The following TNRC6B variants were observed in gnomAD, a reference collection of about 807,000 sequenced individuals.
TNRC6B encodes the protein trinucleotide repeat-containing gene 6B protein.
A neutral mutation model predicts 203.6 loss-of-function variants in TNRC6B; 52 were observed. That is an observed-to-expected ratio of 0.26 (90% CI 0.20 to 0.32). The LOEUF is 0.32. TNRC6B is among the 10% of genes least tolerant of loss of function. TNRC6B has a pLI of 1.00. For missense variants in TNRC6B, 1,923 were observed against 2,286.2 expected, an observed-to-expected ratio of 0.84 and a Z score of 3.24; for synonymous variants, 838 against 845.7, an observed-to-expected ratio of 0.99 and a Z score of 0.16.
intron 12 of TNRC6B, 136 bp downstream of exon 12, chr22:40,285,906 C>G: frequency 8.3e-7 from 1 of 1,198,150 alleles, no homozygotes. Context: ...TTTTCTTGAC[C>G]TTTTGGCTAA....
intron 1 of TNRC6B, among the ~76,000 whole-genome samples, chr22:40,186,433 A>G (rs1469384669): frequency 6.6e-6 from 1 of 152,024 alleles, no homozygotes; most frequent in Non-Finnish European, 1.5e-5. Flanking sequence ...TAAATTTTCC[A>G]GGAGTCACAT....
At chr22:40,318,365 G>C (rs1193109357) in intron 21 of TNRC6B, among the ~76,000 whole-genome samples, 1 of 152,044 alleles carries the variant, frequency 6.6e-6, no homozygotes, top group Non-Finnish European at 1.5e-5. Context: ...GGCTAACATG[G>C]TGAAACCCCA....
chr22:40,284,858 C>T lies in TNRC6B; in HGVS notation c.3583-787C>T, dbSNP rs182071464. Among the ~76,000 whole-genome samples, 402 of 152,224 alleles carry T rather than the reference C, an allele frequency of 2.6e-3. 4 individuals carry two copies. The highest frequency in any genetic ancestry group is 7.3e-3 in the Admixed American group (112 of 15,290). ...GCATTATTATCAAATATGGTTTCTT[C>T]GCTGAAGGACTTTTCTCAGCTAGAA... On this transcript the variant is annotated intron_variant, in intron 11 of 22. Coordinates refer to ENST00000454349, the MANE Select transcript of TNRC6B (RefSeq NM_001162501.2).
At chr22:40,293,190 C>CTCT (rs1555897711) in intron 12 of TNRC6B, among the ~76,000 whole-genome samples, 1 of 79,454 alleles carries the variant, frequency 1.3e-5, no homozygotes, top group Non-Finnish European at 2.3e-5. Flanking sequence ...ATATCCTTTT[C>CTCT]TTTTTTTTTT....
chr22:40,287,978 C>A (rs1005155909), intron 12 of TNRC6B, among the ~76,000 whole-genome samples: 2 of 152,200 alleles, frequency 1.3e-5, no homozygotes, highest in African/African-American at 4.8e-5. Flanking sequence ...ATTAAAAGTG[C>A]CTTCTAAGCA....
intron 3 of TNRC6B, among the ~76,000 whole-genome samples, chr22:40,260,885 A>C (rs1282612952): frequency 1.3e-5 from 2 of 152,158 alleles, no homozygotes; most frequent in African/African-American, 4.8e-5. Flanking sequence ...AGCAAACTGG[A>C]GAGATTGTGG....
chr22:40,273,666 T>C, intron 7 of TNRC6B, 66 bp downstream of exon 7: 1 of 1,443,820 alleles, frequency 6.9e-7, no homozygotes, highest in East Asian at 2.5e-5. Context: ...AGGTTTTGTT[T>C]TGTTTGTTTT....
At position 40,285,704 on chromosome 22, in the gene TNRC6B, C is replaced by T. The variant is rs369537168; in HGVS notation, c.3642C>T (p.Pro1214=). Reference sequence around the variant, plus strand: ...CACAATCGAGAGGTCTGCACACACCCGTGCAGCCACTAAATTCTTCTCCCA... The same window carrying T: ...CACAATCGAGAGGTCTGCACACACCTGTGCAGCCACTAAATTCTTCTCCCA... The part of the protein sequence containing the change: ...STAQSRGLHT[P]VQPLNSSPSL... The change falls in exon 12 of 23, where the codon CCC becomes CCT. Residue 1214 remains proline, a synonymous_variant. Transcript: ENST00000454349. 9.5e-5 allele frequency: 153 copies of T among 1,613,866 alleles called. No homozygotes were observed. The African/African-American group carries it at 1.7e-3, about 18-fold the overall frequency.
At chr22:40,086,644 T>A (rs565250846) in intron 1 of TNRC6B, among the ~76,000 whole-genome samples, 3 of 152,368 alleles carry the variant, frequency 2.0e-5, no homozygotes, top group African/African-American at 7.2e-5. Context: ...TAGATACTTA[T>A]CAGAATATCT....
chr22:40,056,797 C>CA (rs35657644), intron 1 of TNRC6B, among the ~76,000 whole-genome samples: 38,047 of 91,594 alleles, frequency 0.42, 7,624 homozygotes, highest in African/African-American at 0.62. Flanking sequence ...CACCCTGTCT[C>CA]AAAAAAAAAA....
intron 12 of TNRC6B, among the ~76,000 whole-genome samples, chr22:40,298,644 G>A (rs376271861): frequency 2.6e-5 from 4 of 152,352 alleles, no homozygotes; most frequent in East Asian, 1.9e-4. Flanking sequence ...AAGGCTAAAT[G>A]AGTAACTTGC....
At chr22:40,080,681 T>TA (rs2068056899) in intron 1 of TNRC6B, among the ~76,000 whole-genome samples, 1 of 152,116 alleles carries the variant, frequency 6.6e-6, no homozygotes, top group African/African-American at 2.4e-5. Flanking sequence ...GTCACTCCCT[T>TA]GCCTGCCCTC....
intron 16 of TNRC6B, 41 bp from the exon 17 acceptor site, chr22:40,310,776 A>G: frequency 1.3e-6 from 2 of 1,569,226 alleles, no homozygotes; most frequent in Non-Finnish European, 1.7e-6. Flanking sequence ...TTCTATTCAT[A>G]GGAGTTATTC....
intron 12 of TNRC6B, among the ~76,000 whole-genome samples, chr22:40,293,657 C>A (rs1038191150): frequency 2.0e-5 from 3 of 151,970 alleles, no homozygotes; most frequent in Admixed American, 2.0e-4. Context: ...ATAATGGGTT[C>A]TTGCCCTGTT....
rs557940190 is a variant in TNRC6B, at chr22:40,333,853, G to A, written c.*10612G>A. On this transcript the variant is annotated 3_prime_UTR_variant, in exon 23 of 23. Coordinates refer to ENST00000454349, the MANE Select transcript of TNRC6B (RefSeq NM_001162501.2). ...CTAGATTTGGGCACCCATGAAGCAG[G>A]GTTGGAATGGATCATTTTGAATTGC... The A allele has an allele frequency of 5.9e-5, 9 of 152,696 alleles. No individual in the cohort carries two copies. The East Asian group carries it at 1.5e-3, about 26-fold the overall frequency. 9.5% of individuals were successfully genotyped at this position (152,696 alleles called of 1,614,324 possible).
At chr22:40,196,020 G>C (rs547356586) in intron 1 of TNRC6B, among the ~76,000 whole-genome samples, 96 of 150,686 alleles carry the variant, frequency 6.4e-4, no homozygotes, top group African/African-American at 2.2e-3. Flanking sequence ...CTCGTGATCC[G>C]TCTGCCTCAG....
At chr22:40,278,589 G>A (rs5750927) in intron 9 of TNRC6B, among the ~76,000 whole-genome samples, 48,285 of 151,350 alleles carry the variant, frequency 0.32, 9,471 homozygotes, top group East Asian at 0.56. Flanking sequence ...GGACGAGGTG[G>A]CCACAGGTTA....
At chr22:40,083,700 G>A (rs951040710) in intron 1 of TNRC6B, among the ~76,000 whole-genome samples, 4 of 152,028 alleles carry the variant, frequency 2.6e-5, no homozygotes, top group East Asian at 3.9e-4. Context: ...GAGAGGGGAT[G>A]GGATCAGGAG....
rs2044016469 is a variant in TNRC6B at position 40,334,818 on chromosome 22, G to GC, written c.*11582dup. On this transcript the variant is annotated 3_prime_UTR_variant, in exon 23 of 23. Transcript: ENST00000454349. ...TCCTCCTCCCTCCACGTCTCTCTTTGCCCCCTTTAGACAGAAGGTGCAGAA... is the reference window on the plus strand; with the variant it reads ...TCCTCCTCCCTCCACGTCTCTCTTTGCCCCCCTTTAGACAGAAGGTGCAGAA... 6.6e-6 allele frequency: 1 copy of GC among 152,302 alleles called. No individual in the cohort carries two copies. Among genetic ancestry groups the GC allele is most frequent in the African/African-American group, 2.4e-5 (1 of 41,334 alleles). 9.4% of individuals were successfully genotyped at this position (152,302 alleles called of 1,614,324 possible).
Sources: allele counts gnomAD v4.1 joint callset (sites outside exome capture counted in the v4.1 genomes callset), GRCh38; gene constraint gnomAD v4.1.1; transcripts MANE v1.5; gene names NCBI Gene and HGNC (gene_info 2026-07-23, HGNC 2026-07-21).